The following GRID2 variants were observed in gnomAD, a reference collection of about 807,000 sequenced individuals.
GRID2 encodes the protein glutamate ionotropic receptor delta type subunit 2, also known as glutamate receptor ionotropic, delta-2.
In GRID2, 33 loss-of-function variants were observed where a neutral mutation model predicts 114.8. That is an observed-to-expected ratio of 0.29 (90% CI 0.22 to 0.38). The LOEUF (loss-of-function observed/expected upper bound fraction) is 0.38. Ranked by LOEUF, GRID2 falls within the 10% of genes least tolerant of loss-of-function variation. GRID2 has a pLI of 1.00. For synonymous variants in GRID2, 505 were observed against 449.9 expected (o/e 1.12, Z -1.55); for missense variants, 1,184 against 1,257.7 (o/e 0.94, Z 0.89).
intron 1 of GRID2, among the ~76,000 whole-genome samples, chr4:92,422,822 C>A (rs1280388345): frequency 1.3e-5 from 2 of 152,122 alleles, no homozygotes; most frequent in Admixed American, 6.6e-5. Context: ...AGTCCCCAGG[C>A]AAGAAAGAGA....
intron 4 of GRID2, among the ~76,000 whole-genome samples, chr4:93,204,693 G>A (rs1742496244): frequency 6.6e-6 from 1 of 152,224 alleles, no homozygotes; most frequent in South Asian, 2.1e-4. Flanking sequence ...AAATCTCATG[G>A]TCTAGATAAG....
intron 3 of GRID2, among the ~76,000 whole-genome samples, chr4:93,101,678 T>C (rs536098988): frequency 1.3e-3 from 191 of 152,250 alleles, no homozygotes; most frequent in Non-Finnish European, 2.3e-3. Flanking sequence ...AAATTAATCT[T>C]ACTTTACAGA....
rs541472931 is a variant in GRID2 at position 92,785,072 on chromosome 4, C to CTT, written c.244+194803_244+194804dup. 7.0e-5 allele frequency among the ~76,000 whole-genome samples: 9 copies of CTT among 128,192 alleles called. No individual in the cohort carries two copies. The East Asian group carries it at 1.1e-3, about 16-fold the overall frequency. The allele number at this position is 128,192 out of a possible 152,430, so 84.1% of individuals were successfully genotyped here. A position where few individuals can be genotyped will look rare whatever the true frequency, so the allele number is the denominator to read the frequency against. On this transcript the variant is annotated intron_variant, in intron 2 of 15. Coordinates refer to ENST00000282020, the MANE Select transcript of GRID2 (RefSeq NM_001510.4). ...CCAAGCTAGGGGCAGTTTTGTGTTC[C>CTT]TTTTTTTTTTTTTTTTTTAACAACT...
chr4:93,258,469 A>G (rs1402835249), intron 8 of GRID2, among the ~76,000 whole-genome samples: 3 of 151,898 alleles, frequency 2.0e-5, no homozygotes, highest in East Asian at 1.9e-4. Context: ...TTAAAGTTAT[A>G]TCAATATTAC....
At chr4:93,432,307 TG>T (rs1244854445) in intron 10 of GRID2, among the ~76,000 whole-genome samples, 2 of 152,142 alleles carry the variant, frequency 1.3e-5, no homozygotes, top group East Asian at 3.9e-4. Context: ...GGTTGAGACA[TG>T]GTGGATAAAC....
At chr4:93,222,363 A>G (rs1286546894) in intron 6 of GRID2, among the ~76,000 whole-genome samples, 2 of 152,060 alleles carry the variant, frequency 1.3e-5, no homozygotes, top group African/African-American at 2.4e-5. Context: ...TTCTCCTAGC[A>G]TGTAAGCTTT....
chr4:93,204,441 G>A (rs764541989), intron 4 of GRID2, among the ~76,000 whole-genome samples: 1 of 152,098 alleles, frequency 6.6e-6, no homozygotes, highest in African/African-American at 2.4e-5. Context: ...ATGTGCTAAT[G>A]TTTGCTTGTA....
rs140559353 is a variant in GRID2 at position 93,151,881 on chromosome 4, T to C, written c.735+40928T>C. Reference sequence around the variant, plus strand: ...TGCACAGTAAAATAAAAATGTGTCGTTGAGTTCTGAAATTCTTAATTTAAA... The same window carrying C: ...TGCACAGTAAAATAAAAATGTGTCGCTGAGTTCTGAAATTCTTAATTTAAA... On this transcript the variant is annotated intron_variant, in intron 4 of 15. Transcript: ENST00000282020. Among the ~76,000 whole-genome samples the C allele has an allele frequency of 4.2e-3, 634 of 152,272 alleles. 8 individuals are homozygous for C. The highest frequency in any genetic ancestry group is 0.015 in the African/African-American group (611 of 41,580).
At chr4:93,288,002 T>G (rs1210289377) in intron 8 of GRID2, among the ~76,000 whole-genome samples, 1 of 152,204 alleles carries the variant, frequency 6.6e-6, no homozygotes, top group African/African-American at 2.4e-5. Context: ...CTAAATGACT[T>G]AGAAATAGAG....
intron 4 of GRID2, among the ~76,000 whole-genome samples, chr4:93,137,518 G>A (rs1035538687): frequency 6.6e-6 from 1 of 152,066 alleles, no homozygotes; most frequent in African/African-American, 2.4e-5. Context: ...GACAAGCAAT[G>A]TCATATCTAT....
chr4:92,656,378 T>G (rs1176517862), intron 2 of GRID2, among the ~76,000 whole-genome samples: 1 of 151,664 alleles, frequency 6.6e-6, no homozygotes, highest in Non-Finnish European at 1.5e-5. Flanking sequence ...ATATACTTTT[T>G]GCAAGTGTAA....
intron 8 of GRID2, among the ~76,000 whole-genome samples, chr4:93,333,501 A>G (rs768760121): frequency 1.3e-5 from 2 of 152,210 alleles, no homozygotes; most frequent in East Asian, 3.9e-4. Context: ...CAAATTCAAA[A>G]CCTTTTTCTT....
chr4:92,556,162 C>G (rs35704593), intron 1 of GRID2, among the ~76,000 whole-genome samples: 23,436 of 152,018 alleles, frequency 0.15, 2,192 homozygotes, highest in South Asian at 0.26. Context: ...AACAGAACTT[C>G]CTTCACAAGC....
intron 4 of GRID2, among the ~76,000 whole-genome samples, chr4:93,115,149 T>C (rs193110270): frequency 9.2e-5 from 14 of 151,498 alleles, no homozygotes; most frequent in African/African-American, 3.1e-4. Flanking sequence ...AATTAAAAAA[T>C]CAAATTCTAC....
intron 2 of GRID2, among the ~76,000 whole-genome samples, chr4:92,710,405 C>T (rs2149308946): frequency 6.6e-6 from 1 of 152,280 alleles, no homozygotes; most frequent in Admixed American, 6.5e-5. Context: ...ATTCATTTAG[C>T]AGCTTGAGTT....
Position 93,498,918 on chromosome 4 carries a change from G to A in GRID2, c.1997+8141G>A, listed in dbSNP as rs1376848089. Among the ~76,000 whole-genome samples, 5 of 151,884 alleles carry A rather than the reference G, an allele frequency of 3.3e-5. No homozygotes were observed. The East Asian group carries it at 7.8e-4, about 24-fold the overall frequency. On this transcript the variant is annotated intron_variant, in intron 12 of 15. Coordinates refer to ENST00000282020, the MANE Select transcript of GRID2 (RefSeq NM_001510.4). ...GACATTATCTGTAAAGTTTTTTATT[G>A]TAGATATTATTTCTCAAATTGAGGA...
intron 8 of GRID2, among the ~76,000 whole-genome samples, chr4:93,320,059 T>C (rs1757054841): frequency 6.6e-6 from 1 of 152,036 alleles, no homozygotes; most frequent in African/African-American, 2.4e-5. Context: ...TATAAGGAGG[T>C]GCCTTAAATA....
chr4:93,685,739 G>C (rs550652836), intron 14 of GRID2, among the ~76,000 whole-genome samples: 1 of 151,958 alleles, frequency 6.6e-6, no homozygotes, highest in Non-Finnish European at 1.5e-5. Flanking sequence ...CCAAGTTTTA[G>C]ACACTTATAT....
chr4:93,076,530 G>A (rs1341497908), intron 2 of GRID2, among the ~76,000 whole-genome samples: 2 of 149,936 alleles, frequency 1.3e-5, no homozygotes, highest in Admixed American at 1.3e-4. Flanking sequence ...TAATGAAAGT[G>A]AAATTATCAA....
Sources: gnomAD v4.1 joint callset for allele counts (sites outside exome capture counted in the v4.1 genomes callset) on GRCh38, gnomAD v4.1.1 for gene constraint, MANE v1.5 for transcripts, NCBI Gene and HGNC (gene_info 2026-07-23, HGNC 2026-07-21) for gene names.